ARMH4: variants seen among roughly 807,000 people sequenced by gnomAD.
The protein encoded by ARMH4 is armadillo like helical domain containing 4, also known as armadillo-like helical domain-containing protein 4.
Under a neutral mutation model 61.9 loss-of-function variants are expected in ARMH4, and 49 were observed. The observed-to-expected ratio is 0.79, with a 90% CI of 0.63 to 1.00. The LOEUF (loss-of-function observed/expected upper bound fraction) is 1.00, where lower values mean the gene tolerates loss of function less well. ARMH4 is among the 50% of genes least tolerant of loss of function. The pLI is 0.00. For synonymous variants in ARMH4, 368 were observed against 341.5 expected (o/e 1.08, Z -0.85); for missense variants, 934 against 930.0 (o/e 1.00, Z -0.06).
At chr14:58,058,926 T>C (rs1243767830) in intron 5 of ARMH4, among the ~76,000 whole-genome samples, 2 of 152,200 alleles carry the variant, frequency 1.3e-5, no homozygotes, top group African/African-American at 2.4e-5. Context: ...CATTGCAGAC[T>C]TGCTCATAAA....
At chr14:58,143,765 CTT>C (rs201034964) in intron 1 of ARMH4, among the ~76,000 whole-genome samples, 4 of 120,082 alleles carry the variant, frequency 3.3e-5, no homozygotes, top group East Asian at 2.3e-4. Context: ...TGCCCATCCT[CTT>C]TTTTTTTTTT....
chr14:58,086,422 A>C (rs1885381789), intron 5 of ARMH4, among the ~76,000 whole-genome samples: 1 of 152,226 alleles, frequency 6.6e-6, no homozygotes, highest in African/African-American at 2.4e-5. Flanking sequence ...TAGAACCAGC[A>C]AAAATAACAA....
At chr14:58,054,301 A>T (rs1316306140) in intron 5 of ARMH4, among the ~76,000 whole-genome samples, 3 of 152,214 alleles carry the variant, frequency 2.0e-5, no homozygotes, top group Admixed American at 1.3e-4. Context: ...GGTAACACAC[A>T]GATTCTTTGG....
At chr14:58,052,834 C>T (rs1351383295) in intron 5 of ARMH4, among the ~76,000 whole-genome samples, 1 of 152,082 alleles carries the variant, frequency 6.6e-6, no homozygotes, top group Non-Finnish European at 1.5e-5. Context: ...TCTCATGTAC[C>T]TCAAACTCAA....
At position 58,005,124 on chromosome 14, in the gene ARMH4, A is replaced by C; in HGVS notation, c.2180T>G (p.Phe727Cys). Residue 727 changes from phenylalanine to cysteine, a missense_variant, in exon 7 of 8, where the codon TTC becomes TGC. Transcript: ENST00000267485. ...AATGCTGTAGAGGGCTCCCAAGATG[A>C]ACAAGGCTCCAGCTATCCCAACCCC... ...PVGVGIAGAL[F>C]ILGALYSIKV... 1 of 1,614,072 alleles carries C rather than the reference A, an allele frequency of 6.2e-7. No individual in the cohort carries two copies. The highest frequency in any genetic ancestry group is 8.5e-7 in the Non-Finnish European group (1 of 1,179,962).
chr14:58,069,636 T>C (rs1212562394), intron 5 of ARMH4, among the ~76,000 whole-genome samples: 1 of 152,092 alleles, frequency 6.6e-6, no homozygotes. Flanking sequence ...GGCAGGGATA[T>C]AAAGTATGCA....
At chr14:58,006,442 G>A (rs1337079667) in intron 6 of ARMH4, among the ~76,000 whole-genome samples, 2 of 152,150 alleles carry the variant, frequency 1.3e-5, no homozygotes, top group Non-Finnish European at 2.9e-5. Flanking sequence ...AGGCTGTGAT[G>A]TTTTCCCAAC....
chr14:58,013,417 C>T (rs544530591), intron 5 of ARMH4, among the ~76,000 whole-genome samples: 2 of 149,892 alleles, frequency 1.3e-5, no homozygotes, highest in East Asian at 4.1e-4. Context: ...CATTCGCATT[C>T]TTTGCTCAGG....
chr14:58,043,054 A>C (rs1034091055), intron 5 of ARMH4, among the ~76,000 whole-genome samples: 2 of 152,218 alleles, frequency 1.3e-5, no homozygotes, highest in African/African-American at 4.8e-5. Context: ...ATTCCTTCTG[A>C]AACTATTCCA....
intron 5 of ARMH4, among the ~76,000 whole-genome samples, chr14:58,050,750 T>C (rs954829888): frequency 6.6e-6 from 1 of 152,152 alleles, no homozygotes; most frequent in African/African-American, 2.4e-5. Context: ...AGTATATGCA[T>C]TGTTGTGCAG....
chr14:58,069,942 T>C (rs1302537011), intron 5 of ARMH4, among the ~76,000 whole-genome samples: 1 of 152,110 alleles, frequency 6.6e-6, no homozygotes, highest in Non-Finnish European at 1.5e-5. Flanking sequence ...GAGAAGGGAC[T>C]GGAAATAGAG....
At chr14:58,135,603 C>G (rs1390516708) in intron 2 of ARMH4, among the ~76,000 whole-genome samples, 2 of 151,824 alleles carry the variant, frequency 1.3e-5, no homozygotes, top group East Asian at 1.9e-4. Context: ...TTTAAAGTTT[C>G]CTAACATCTC....
chr14:58,082,398 T>G (rs1194357126), intron 5 of ARMH4, among the ~76,000 whole-genome samples: 3 of 152,244 alleles, frequency 2.0e-5, no homozygotes, highest in African/African-American at 7.2e-5. Context: ...AATGGGCTTT[T>G]GCTTCACTTT....
chr14:58,105,689 G>T (rs1359648517), intron 4 of ARMH4, among the ~76,000 whole-genome samples: 6 of 91,276 alleles, frequency 6.6e-5, no homozygotes, highest in African/African-American at 2.0e-4. Context: ...TCCATCTCAA[G>T]AAAAAAAAAA....
chr14:58,006,927 TA>T (rs200266064), intron 6 of ARMH4, among the ~76,000 whole-genome samples: 2,046 of 151,960 alleles, frequency 0.013, 34 homozygotes, highest in East Asian at 0.035. Context: ...AATAAATAAA[TA>T]AATTAATTAA....
In ARMH4 at chr14:58,133,276, G is replaced by T; in HGVS notation, c.1435C>A (p.Gln479Lys). 2 of 1,613,964 alleles carry T rather than the reference G, an allele frequency of 1.2e-6. No individual in the cohort carries two copies. The highest frequency in any genetic ancestry group is 1.7e-4 in the Middle Eastern group (1 of 6,058). ...AGCTCGAGGGTAGCAACCTGCTCTT[G>T]TGTCACCATGGATAAAGTGGCATCT... is the stretch of plus-strand genomic sequence containing the variant. ...EPDATLSMVT[Q>K]EQVATLELIR... The change falls in exon 3 of 8, where the codon CAA becomes AAA. Residue 479 changes from glutamine to lysine, a missense_variant. Coordinates refer to ENST00000267485, the MANE Select transcript of ARMH4 (RefSeq NM_001001872.4).
intron 2 of ARMH4, 51 bp downstream of exon 2, chr14:58,137,939 T>G (rs1887360455): frequency 6.5e-7 from 1 of 1,538,088 alleles, no homozygotes; most frequent in Admixed American, 2.1e-5. Flanking sequence ...AAAAAAAAAT[T>G]GAAAGTTTCC....
chr14:58,021,240 A>G (rs1415417257), intron 5 of ARMH4, among the ~76,000 whole-genome samples: 1 of 152,144 alleles, frequency 6.6e-6, no homozygotes, highest in Non-Finnish European at 1.5e-5. Flanking sequence ...CTATCCTCAC[A>G]TGGCTTGGGA....
Position 58,138,200 on chromosome 14 carries a change from C to A in ARMH4, c.1159G>T (p.Glu387Ter). ...GTALLIAHGN[E>*]RSPAFTDQSS... The stretch of plus-strand genomic sequence containing the variant: ...TGATCAGTGAAAGCAGGTGATCTCT[C>A]ATTCCCATGCGCTATTAGCAGGGCT... Residue 387 changes from glutamate (E) to a stop codon, truncating the protein, a stop_gained, in exon 2 of 8, where the codon GAG becomes TAG. Coordinates refer to ENST00000267485, the MANE Select transcript of ARMH4 (RefSeq NM_001001872.4). LOFTEE classifies it high-confidence loss of function. 1 of 1,614,190 alleles carries A rather than the reference C, an allele frequency of 6.2e-7. No individual in the cohort carries two copies. The highest frequency in any genetic ancestry group is 1.1e-5 in the South Asian group (1 of 91,078).
Sources: gnomAD v4.1 joint callset for allele counts (sites outside exome capture counted in the v4.1 genomes callset) on GRCh38, gnomAD v4.1.1 for gene constraint, MANE v1.5 for transcripts, NCBI Gene and HGNC (gene_info 2026-07-23, HGNC 2026-07-21) for gene names.